Variants in PDE4D observed in about 807,000 individuals in gnomAD.
PDE4D encodes the protein 3',5'-cyclic-AMP phosphodiesterase 4D.
Under a neutral mutation model 87.4 loss-of-function variants are expected in PDE4D, and 24 were observed. The ratio of observed to expected loss-of-function variants is 0.27; its 90% confidence interval spans 0.20 to 0.39. The LOEUF (loss-of-function observed/expected upper bound fraction) is 0.39, where lower values mean the gene tolerates loss of function less well. Among genes scored for constraint, PDE4D ranks in the 10% least tolerant of loss-of-function variants. PDE4D has a pLI of 1.00. For synonymous variants in PDE4D, 384 were observed against 383.2 expected (o/e 1.00, Z -0.02); for missense variants, 714 against 1,041.0 (o/e 0.69, Z 4.32).
chr5:59,589,140 G>A (rs1825590434), intron 1 of PDE4D, among the ~76,000 whole-genome samples: 1 of 152,164 alleles, frequency 6.6e-6, no homozygotes, highest in African/African-American at 2.4e-5. Flanking sequence ...TAAGTAGCAT[G>A]TCTGAGGTTA....
At chr5:59,186,294 G>GA (rs1742897515) in intron 3 of PDE4D, among the ~76,000 whole-genome samples, 1 of 152,164 alleles carries the variant, frequency 6.6e-6, no homozygotes, top group Admixed American at 6.6e-5. Context: ...TCCTAACCTG[G>GA]AAAACTGGGA....
chr5:59,570,105 A>G (rs950323618), intron 1 of PDE4D, among the ~76,000 whole-genome samples: 6 of 152,238 alleles, frequency 3.9e-5, no homozygotes, highest in Non-Finnish European at 8.8e-5. Flanking sequence ...ATATTCATGT[A>G]TCAGGGCCCT....
chr5:59,037,846 A>G (rs1758813510), intron 6 of PDE4D, among the ~76,000 whole-genome samples: 1 of 152,038 alleles, frequency 6.6e-6, no homozygotes, highest in South Asian at 2.1e-4. Flanking sequence ...GAAAAAAAAA[A>G]GCATCACTCA....
At chr5:60,226,388 AC>A (rs1482511110) in intron 1 of PDE4D, among the ~76,000 whole-genome samples, 2 of 152,116 alleles carry the variant, frequency 1.3e-5, no homozygotes, top group African/African-American at 4.8e-5. Flanking sequence ...ATCCTAAATC[AC>A]AGCTGCTCAA....
At chr5:59,189,761 A>G (rs1314505812) in intron 3 of PDE4D, among the ~76,000 whole-genome samples, 1 of 152,212 alleles carries the variant, frequency 6.6e-6, no homozygotes, top group Non-Finnish European at 1.5e-5. Context: ...CACAAACACA[A>G]GAGAATACTT....
chr5:60,468,139 T>TTTTTTTTTTTTTTTTG (rs1561288697), intron 1 of PDE4D, among the ~76,000 whole-genome samples: 7 of 145,512 alleles, frequency 4.8e-5, no homozygotes, highest in South Asian at 4.5e-4. Flanking sequence ...TCTTTTTTCT[T>TTTTTTTTTTTTTTTTG]TTTTTTTTGT....
intron 1 of PDE4D, among the ~76,000 whole-genome samples, chr5:59,228,263 G>C (rs890715627): frequency 6.6e-6 from 1 of 152,016 alleles, no homozygotes; most frequent in Non-Finnish European, 1.5e-5. Flanking sequence ...AGGATGGAGG[G>C]TGGGAGGAGA....
intron 1 of PDE4D, among the ~76,000 whole-genome samples, chr5:60,329,832 C>T (rs1158744462): frequency 1.3e-5 from 2 of 151,924 alleles, no homozygotes; most frequent in Admixed American, 6.6e-5. Flanking sequence ...TAAACTTGAA[C>T]GACTTTAAAA....
chr5:59,006,896 G>A (rs1438736780), intron 6 of PDE4D, among the ~76,000 whole-genome samples: 1 of 152,152 alleles, frequency 6.6e-6, no homozygotes, highest in African/African-American at 2.4e-5. Flanking sequence ...GGGAAACTAA[G>A]GCTCAGAGAG....
intron 1 of PDE4D, among the ~76,000 whole-genome samples, chr5:60,257,246 AAGAAAGAAAAG>A (rs1308291739): frequency 7.2e-6 from 1 of 138,080 alleles, no homozygotes. Context: ...GAAAGAAAGA[AAGAAAGAAAAG>A]AAAAGAAAGA....
chr5:60,202,664 T>G (rs1323130325), intron 1 of PDE4D, among the ~76,000 whole-genome samples: 1 of 151,706 alleles, frequency 6.6e-6, no homozygotes. Flanking sequence ...CAAAAAAGGA[T>G]AAATTAAAAA....
chr5:60,256,945 A>T (rs987393476), intron 1 of PDE4D, among the ~76,000 whole-genome samples: 2 of 151,952 alleles, frequency 1.3e-5, no homozygotes, highest in African/African-American at 4.8e-5. Flanking sequence ...ACATGCACCC[A>T]CATGGTAACT....
At chr5:59,533,431 A>G (rs1354535563) in intron 1 of PDE4D, among the ~76,000 whole-genome samples, 5 of 152,200 alleles carry the variant, frequency 3.3e-5, no homozygotes, top group Non-Finnish European at 7.3e-5. Context: ...ATTTTTCTCC[A>G]GGATTGATGT....
chr5:60,021,124 A>T (rs923421777), intron 2 of PDE4D: 1 of 152,202 alleles, frequency 6.6e-6, no homozygotes. Flanking sequence ...AAGGGGGAAA[A>T]TCCAGACAAA....
At chr5:60,261,305 T>C (rs1749623934) in intron 1 of PDE4D, among the ~76,000 whole-genome samples, 1 of 152,152 alleles carries the variant, frequency 6.6e-6, no homozygotes. Flanking sequence ...TTTCCAAACT[T>C]AGATTTTCAG....
chr5:60,364,366 A>G (rs550503935), intron 1 of PDE4D, among the ~76,000 whole-genome samples: 17 of 152,322 alleles, frequency 1.1e-4, no homozygotes, highest in African/African-American at 4.1e-4. Context: ...AGGGGAAATT[A>G]CATGCTTTAT....
intron 1 of PDE4D, among the ~76,000 whole-genome samples, chr5:60,323,178 C>T (rs1018251775): frequency 2.0e-5 from 3 of 152,180 alleles, no homozygotes; most frequent in African/African-American, 7.2e-5. Flanking sequence ...ACTTATGATA[C>T]ACACGGGTGT....
chr5:60,007,871 T>C (rs1177615060), intron 2 of PDE4D, among the ~76,000 whole-genome samples: 1 of 151,966 alleles, frequency 6.6e-6, no homozygotes, highest in African/African-American at 2.4e-5. Flanking sequence ...GTAAACAAAA[T>C]TGACAAAGAT....
intron 1 of PDE4D, among the ~76,000 whole-genome samples, chr5:59,726,192 C>A (rs1756569143): frequency 6.6e-6 from 1 of 151,982 alleles, no homozygotes; most frequent in Non-Finnish European, 1.5e-5. Flanking sequence ...GAGTTTCAGG[C>A]ATATTTAAAA....
Sources: gnomAD v4.1 joint callset for allele counts (sites outside exome capture counted in the v4.1 genomes callset) on GRCh38, gnomAD v4.1.1 for gene constraint, MANE v1.5 for transcripts, NCBI Gene and HGNC (gene_info 2026-07-23, HGNC 2026-07-21) for gene names.